DOC2B: variants seen among roughly 807,000 people sequenced by gnomAD.
The protein encoded by DOC2B is double C2 domain beta, also known as double C2-like domain-containing protein beta.
A neutral mutation model predicts 28.9 loss-of-function variants in DOC2B; 21 were observed. The observed-to-expected ratio is 0.73, with a 90% CI of 0.52 to 1.05. The LOEUF is 1.05. DOC2B is among the 50% of genes least tolerant of loss of function. The probability of loss-of-function intolerance (pLI) is 0.00; values close to 1 mark genes in which losing one functional copy is unlikely to be tolerated. For synonymous variants in DOC2B, 194 were observed against 178.1 expected, an observed-to-expected ratio of 1.09 and a Z score of -0.71; for missense variants, 384 against 421.1, an observed-to-expected ratio of 0.91 and a Z score of 0.77.
At chr17:151,375 A>G (rs1371565586) in intron 6 of DOC2B, among the ~76,000 whole-genome samples, 2 of 152,220 alleles carry the variant, frequency 1.3e-5, no homozygotes, top group South Asian at 2.1e-4. Flanking sequence ...GGATTTTTTC[A>G]TATTTTGTAA....
chr17:180,813 G>A (rs1323751583), intron 1 of DOC2B, among the ~76,000 whole-genome samples: 1 of 151,982 alleles, frequency 6.6e-6, no homozygotes, highest in East Asian at 2.0e-4. Context: ...GGGCTGGCAG[G>A]GAGGGGGCGC....
At chr17:152,956 C>T (rs2040088122) in intron 6 of DOC2B, among the ~76,000 whole-genome samples, 1 of 152,162 alleles carries the variant, frequency 6.6e-6, no homozygotes, top group Admixed American at 6.5e-5. Context: ...ACCATCTAAT[C>T]TGTGCCCTTA....
chr17:179,206 C>T (rs988805418), intron 1 of DOC2B, among the ~76,000 whole-genome samples: 2 of 152,206 alleles, frequency 1.3e-5, no homozygotes, highest in Non-Finnish European at 2.9e-5. Context: ...AAGCTGCATC[C>T]AGCTCTGCCC....
chr17:169,315 A>G (rs1481715630), intron 2 of DOC2B, among the ~76,000 whole-genome samples: 2 of 151,842 alleles, frequency 1.3e-5, no homozygotes, highest in African/African-American at 4.8e-5. Flanking sequence ...AAATCCATAG[A>G]GAAGGAAGCC....
Position 181,507 on chromosome 17 carries a change from C to A in DOC2B, c.-28G>T, listed in dbSNP as rs1329591711. 2.0e-6 allele frequency: 2 copies of A among 994,646 alleles called. No homozygotes were observed. Among genetic ancestry groups the A allele is most frequent in the Non-Finnish European group, 2.4e-6 (2 of 837,798 alleles). The allele number at this position is 994,646 out of a possible 1,614,324, so 61.6% of individuals were successfully genotyped here. A position where few individuals can be genotyped will look rare whatever the true frequency, so the allele number is the denominator to read the frequency against. On this transcript the variant is annotated 5_prime_UTR_variant, in exon 1 of 9. Coordinates refer to ENST00000613549, the MANE Select transcript of DOC2B (RefSeq NM_003585.5). This position sits in a 1 kb window ranked among gnomAD's most constrained non-coding sequence, Gnocchi z 7.0. ...AGGCAGCGCCGCCCCGCCCCGGGCG[C>A]GGCCCGGCCCGGCGCGACCCCGGCC...
At chr17:172,732 GCCACCAA>G in intron 1 of DOC2B, 116 bp from the exon 2 acceptor site, 1 of 776,150 alleles carries the variant, frequency 1.3e-6, no homozygotes. Context: ...CATGGCGGCT[GCCACCAA>G]CCAAGCACCT....
intron 1 of DOC2B, among the ~76,000 whole-genome samples, chr17:174,146 A>G (rs2040343161): frequency 6.6e-6 from 1 of 152,078 alleles, no homozygotes; most frequent in Non-Finnish European, 1.5e-5. Flanking sequence ...TGGGAGTGGC[A>G]TTTGTCTAGA....
At chr17:160,746 G>T (rs889432355) in intron 5 of DOC2B, among the ~76,000 whole-genome samples, 2 of 152,186 alleles carry the variant, frequency 1.3e-5, no homozygotes, top group Non-Finnish European at 2.9e-5. Flanking sequence ...AGGGAAGAGG[G>T]ACATAGAGAC....
In DOC2B at chr17:160,157, T is replaced by G. The variant is rs181659930; in HGVS notation, c.765+1258A>C. On this transcript the variant is annotated intron_variant, in intron 5 of 8. Transcript: ENST00000613549. ...GCACCCCCACACCCGGCTAATTTTT[T>G]TATTTTTAGCAGAGACGGGGTTTCG... is the stretch of plus-strand genomic sequence containing the variant. Among the ~76,000 whole-genome samples, 397 of 152,112 alleles carry G rather than the reference T, an allele frequency of 2.6e-3. 3 individuals carry two copies. The highest frequency in any genetic ancestry group is 3.8e-3 in the Non-Finnish European group (255 of 67,954).
At chr17:149,687 G>A (rs2040052259) in intron 6 of DOC2B, among the ~76,000 whole-genome samples, 1 of 152,028 alleles carries the variant, frequency 6.6e-6, no homozygotes, top group East Asian at 1.9e-4. Flanking sequence ...TGTATTTTCA[G>A]TAGAGACAGG....
chr17:149,855 C>G (rs1866166288), intron 6 of DOC2B, among the ~76,000 whole-genome samples: 1 of 152,308 alleles, frequency 6.6e-6, no homozygotes, highest in African/African-American at 2.4e-5. Context: ...AATTCACATA[C>G]CATAAAATCC....
At chr17:165,230 C>T (rs1436920871) in intron 2 of DOC2B, among the ~76,000 whole-genome samples, 4 of 152,058 alleles carry the variant, frequency 2.6e-5, no homozygotes, top group Non-Finnish European at 5.9e-5. Flanking sequence ...AGGGGTTGGC[C>T]GGGCACGGTG....
At chr17:153,191 C>T (rs1381979744) in intron 6 of DOC2B, among the ~76,000 whole-genome samples, 1 of 152,168 alleles carries the variant, frequency 6.6e-6, no homozygotes, top group Non-Finnish European at 1.5e-5. Context: ...AGGTGGGACC[C>T]AGCTGCAGGG....
intron 5 of DOC2B, among the ~76,000 whole-genome samples, chr17:157,010 G>A (rs962239607): frequency 7.9e-5 from 12 of 152,228 alleles, no homozygotes; most frequent in African/African-American, 2.7e-4. Context: ...TGCCAGCTCC[G>A]TGATGCTTCT....
intron 1 of DOC2B, among the ~76,000 whole-genome samples, chr17:178,801 A>G (rs772062133): frequency 2.0e-5 from 3 of 152,240 alleles, no homozygotes; most frequent in Non-Finnish European, 4.4e-5. Flanking sequence ...AACAGAGATA[A>G]TCCAATAATT....
rs2040235422 is a variant in DOC2B at position 164,146 on chromosome 17, A to C, written c.512T>G (p.Leu171Arg). The C allele has an allele frequency of 6.4e-7, 1 of 1,553,028 alleles. No homozygotes were observed. The highest frequency in any genetic ancestry group is 8.7e-7 in the Non-Finnish European group (1 of 1,147,694). Residue 171 changes from leucine (L) to arginine (R), a missense_variant, in exon 3 of 9, where the codon CTG (leucine) becomes CGG (arginine). By Grantham distance (102) the Leu-to-Arg change is moderately radical. Transcript: ENST00000613549. ...ACCCCTCACCTTACTGGCTCCTGGC[A>C]GCAGGTGCAGCTTGACGTAGGGGTC... is the stretch of plus-strand genomic sequence containing the variant. ...LADPYVKLHL[L>R]PGASKANKLR... is the part of the protein sequence containing the mutation.
intron 7 of DOC2B, 98 bp downstream of exon 7, chr17:149,013 C>G (rs2040044679): frequency 2.5e-6 from 1 of 398,020 alleles, no homozygotes; most frequent in Non-Finnish European, 4.4e-6. Context: ...CTCTGACCAC[C>G]CTCCCCATCC....
chr17:170,147 G>C (rs2040295180), intron 2 of DOC2B, among the ~76,000 whole-genome samples: 1 of 152,236 alleles, frequency 6.6e-6, no homozygotes, highest in Admixed American at 6.5e-5. Flanking sequence ...AGAGGGAAAG[G>C]AGGAAGGGTC....
At chr17:153,682 C>G (rs1555522045) in intron 6 of DOC2B, among the ~76,000 whole-genome samples, 1 of 150,724 alleles carries the variant, frequency 6.6e-6, no homozygotes, top group African/African-American at 2.5e-5. Context: ...GCCTGGGCAA[C>G]AGAGTAAGAC....
Sources: gnomAD v4.1 joint callset for allele counts (sites outside exome capture counted in the v4.1 genomes callset) on GRCh38, gnomAD v4.1.1 for gene constraint, Gnocchi (gnomAD v3.1) non-coding constraint, MANE v1.5 for transcripts, NCBI Gene and HGNC (gene_info 2026-07-23, HGNC 2026-07-21) for gene names.